The following KCNAB1 variants were observed in gnomAD, a reference collection of about 807,000 sequenced individuals.
KCNAB1 encodes the protein potassium voltage-gated channel subfamily A regulatory beta subunit 1.
KCNAB1 carries 35 observed loss-of-function variants against 64.6 expected under a neutral mutation model. That is an observed-to-expected ratio of 0.54 (90% confidence interval 0.41 to 0.72). The LOEUF is 0.72. Ranked by LOEUF, KCNAB1 falls within the 30% of genes least tolerant of loss-of-function variation. The pLI is 0.00. For synonymous variants in KCNAB1, 177 were observed against 183.8 expected (o/e 0.96, Z 0.30); for missense variants, 401 against 512.9 (o/e 0.78, Z 2.11).
rs994873681 is a variant in KCNAB1, at chr3:156,490,340, T to C, written c.658+15520T>C. 1.2e-4 allele frequency among the ~76,000 whole-genome samples: 18 copies of C among 152,140 alleles called. 1 individual carries two copies. Among genetic ancestry groups the C allele is most frequent in the Non-Finnish European group, 2.5e-4 (17 of 68,022 alleles). On this transcript the variant is annotated intron_variant, in intron 8 of 13. Transcript: ENST00000490337. Reference sequence around the variant, plus strand: ...CACCGTTCAAGCACAATTTTAGTGCTTTATTCTTAAATGTGAACTGAAACC... The same window carrying C: ...CACCGTTCAAGCACAATTTTAGTGCCTTATTCTTAAATGTGAACTGAAACC...
At chr3:156,345,065 C>T (rs1724396103) in intron 1 of KCNAB1, among the ~76,000 whole-genome samples, 1 of 152,130 alleles carries the variant, frequency 6.6e-6, no homozygotes, top group Admixed American at 6.6e-5. Context: ...TTTACTTGTA[C>T]CTTAATTGCA....
intron 1 of KCNAB1, among the ~76,000 whole-genome samples, chr3:156,239,169 C>T (rs529636029): frequency 2.0e-5 from 3 of 152,308 alleles, no homozygotes; most frequent in Non-Finnish European, 2.9e-5. Flanking sequence ...ATTTGTCATT[C>T]TGACAAACTT....
At chr3:156,442,219 AGGT>A (rs1433945760) in intron 2 of KCNAB1, among the ~76,000 whole-genome samples, 1 of 152,208 alleles carries the variant, frequency 6.6e-6, no homozygotes, top group African/African-American at 2.4e-5. Context: ...TATGGAGAGT[AGGT>A]CATTGTTTCT....
rs573480950 is a variant in KCNAB1 at position 156,483,201 on chromosome 3, AG to A, written c.658+8382del. 3.4e-3 allele frequency among the ~76,000 whole-genome samples: 518 copies of A among 152,174 alleles called. 6 individuals are homozygous for A. The highest frequency in any genetic ancestry group is 0.012 in the African/African-American group (508 of 41,548). On this transcript the variant is annotated intron_variant, in intron 8 of 13. Coordinates refer to ENST00000490337, the MANE Select transcript of KCNAB1 (RefSeq NM_172160.3). ...TTCAGCAAGGGGCTCAGCAAGGAAA[AG>A]ATGCCCGGGTCAGTAGTATACTTGG... is the stretch of plus-strand genomic sequence containing the variant.
intron 1 of KCNAB1, among the ~76,000 whole-genome samples, chr3:156,410,624 T>C (rs901215105): frequency 2.6e-5 from 4 of 152,166 alleles, no homozygotes; most frequent in African/African-American, 9.6e-5. Flanking sequence ...ACTGCCACTT[T>C]GTAGTCAAGC....
intron 1 of KCNAB1, among the ~76,000 whole-genome samples, chr3:156,343,474 G>A (rs1210700607): frequency 6.6e-6 from 1 of 152,216 alleles, no homozygotes; most frequent in African/African-American, 2.4e-5. Flanking sequence ...GGTCGAGGGA[G>A]AGGGAGGGAT....
At chr3:156,270,148 C>A (rs1436928497) in intron 1 of KCNAB1, among the ~76,000 whole-genome samples, 1 of 152,086 alleles carries the variant, frequency 6.6e-6, no homozygotes, top group African/African-American at 2.4e-5. Flanking sequence ...GATCTCCTGA[C>A]CTCGTGATCT....
chr3:156,416,107 T>TC (rs1420381659), intron 1 of KCNAB1, among the ~76,000 whole-genome samples: 1 of 152,154 alleles, frequency 6.6e-6, no homozygotes, highest in African/African-American at 2.4e-5. Flanking sequence ...TCTGGAATCT[T>TC]CCCCATCCTC....
At chr3:156,285,196 T>A (rs1432587849) in intron 1 of KCNAB1, among the ~76,000 whole-genome samples, 1 of 152,190 alleles carries the variant, frequency 6.6e-6, no homozygotes, top group African/African-American at 2.4e-5. Flanking sequence ...TTGATATTAT[T>A]TTACAGTAGT....
intron 1 of KCNAB1, among the ~76,000 whole-genome samples, chr3:156,312,718 A>AAAAAAACAAC (rs1722001503): frequency 6.6e-6 from 1 of 150,762 alleles, no homozygotes; most frequent in East Asian, 1.9e-4. Flanking sequence ...AAAAAAAAAA[A>AAAAAAACAAC]AAAAAAAAAA....
At chr3:156,403,884 ACT>A (rs1212687002) in intron 1 of KCNAB1, among the ~76,000 whole-genome samples, 2 of 149,274 alleles carry the variant, frequency 1.3e-5, no homozygotes, top group Non-Finnish European at 3.0e-5. Context: ...ACAGAGAAAG[ACT>A]CTGCCTAAAA....
intron 1 of KCNAB1, among the ~76,000 whole-genome samples, chr3:156,191,853 A>G (rs1412475494): frequency 6.6e-6 from 1 of 152,186 alleles, no homozygotes; most frequent in East Asian, 1.9e-4. Context: ...ATCCCAGGTG[A>G]TGCCCAAGGC....
At chr3:156,360,202 C>G (rs1725512191) in intron 1 of KCNAB1, among the ~76,000 whole-genome samples, 1 of 152,198 alleles carries the variant, frequency 6.6e-6, no homozygotes, top group Non-Finnish European at 1.5e-5. Context: ...CAACTAGTCA[C>G]ATCATTGCAT....
intron 10 of KCNAB1, among the ~76,000 whole-genome samples, chr3:156,515,976 G>A (rs1717531817): frequency 6.6e-6 from 1 of 151,344 alleles, no homozygotes; most frequent in Non-Finnish European, 1.5e-5. Context: ...ACTATGTTAG[G>A]TACTAAATGG....
At chr3:156,529,469 AT>A (rs1162725829) in intron 12 of KCNAB1, among the ~76,000 whole-genome samples, 1 of 147,730 alleles carries the variant, frequency 6.8e-6, no homozygotes, top group Non-Finnish European at 1.5e-5. Flanking sequence ...TGATGTATAA[AT>A]TTTACCTCAA....
At chr3:156,190,640 A>G (rs1018815831) in intron 1 of KCNAB1, among the ~76,000 whole-genome samples, 1 of 152,084 alleles carries the variant, frequency 6.6e-6, no homozygotes, top group Non-Finnish European at 1.5e-5. Flanking sequence ...GCTTCATAAG[A>G]CCCTTGGGAG....
intron 2 of KCNAB1, among the ~76,000 whole-genome samples, chr3:156,429,302 G>T (rs769469211): frequency 1.3e-5 from 2 of 152,202 alleles, no homozygotes; most frequent in African/African-American, 4.8e-5. Flanking sequence ...GCAGCCGCCC[G>T]CAGATCTAGG....
rs534422980 is a variant in KCNAB1 at position 156,180,105 on chromosome 3, T to C, written c.275+59219T>C. 3.3e-5 allele frequency among the ~76,000 whole-genome samples: 5 copies of C among 152,364 alleles called. No individual in the cohort carries two copies. In the East Asian group the frequency reaches 9.6e-4, roughly 29 times the overall value. On this transcript the variant is annotated intron_variant, in intron 1 of 13. Coordinates refer to ENST00000490337, the MANE Select transcript of KCNAB1 (RefSeq NM_172160.3). ...TGAAGGCTTAGAAGGATTAAATAAGTTGTCAGAGGTCACTCAGCCTATAAA... is the reference window on the plus strand; with the variant it reads ...TGAAGGCTTAGAAGGATTAAATAAGCTGTCAGAGGTCACTCAGCCTATAAA...
At chr3:156,291,715 G>A (rs1031607313) in intron 1 of KCNAB1, 3 of 1,431,126 alleles carry the variant, frequency 2.1e-6, no homozygotes, top group African/African-American at 2.9e-5. Context: ...ACTCTTTCCT[G>A]CATCGCAGCC....
Sources: gnomAD v4.1 joint callset for allele counts (sites outside exome capture counted in the v4.1 genomes callset) on GRCh38, gnomAD v4.1.1 for gene constraint, MANE v1.5 for transcripts, NCBI Gene and HGNC (gene_info 2026-07-23, HGNC 2026-07-21) for gene names.